Variants in DPP6 observed in about 807,000 individuals in gnomAD.
DPP6 encodes dipeptidyl peptidase like 6.
In DPP6, 69 loss-of-function variants were observed where a neutral mutation model predicts 122.6. That is an observed-to-expected ratio of 0.56 (90% CI 0.46 to 0.69). DPP6 has a LOEUF of 0.69. Ranked by LOEUF, DPP6 falls within the 30% of genes least tolerant of loss-of-function variation. The probability of loss-of-function intolerance (pLI) is 0.00; values close to 1 mark genes in which losing one functional copy is unlikely to be tolerated. For synonymous variants in DPP6, 418 were observed against 433.1 expected, an observed-to-expected ratio of 0.97 and a Z score of 0.43; for missense variants, 928 against 1,116.9, an observed-to-expected ratio of 0.83 and a Z score of 2.41.
chr7:153,863,179 C>T, the DPP6 span, among the ~76,000 whole-genome samples: 1 of 152,136 alleles, frequency 6.6e-6, no homozygotes, highest in Admixed American at 6.5e-5. Context: ...TTGATTTCAT[C>T]AAAGCATAGC....
rs552072596 is a variant in DPP6 at position 154,708,483 on chromosome 7, AT to A, written c.763-19278del. On this transcript the variant is annotated intron_variant, in intron 7 of 25. Coordinates refer to ENST00000377770, the MANE Select transcript of DPP6 (RefSeq NM_130797.4). ...CATTGTAATAAGATTTCTTTTTGTT[AT>A]TTTTTAGCAATTTGTACAGTTCTTT... 2.9e-4 allele frequency among the ~76,000 whole-genome samples: 44 copies of A among 152,196 alleles called. 3 individuals are homozygous for A. In the South Asian group the frequency reaches 7.5e-3, roughly 26 times the overall value.
chr7:154,463,703 G>A (rs913017588), intron 2 of DPP6, among the ~76,000 whole-genome samples: 2 of 152,004 alleles, frequency 1.3e-5, no homozygotes, highest in African/African-American at 2.4e-5. Flanking sequence ...TGCCAGATTG[G>A]GTTTTTCCAT....
At chr7:153,887,063 C>A (rs1350748930), upstream of DPP6, 1 of 152,468 alleles carries the variant, frequency 6.6e-6, no homozygotes, top group East Asian at 1.9e-4. Flanking sequence ...GCTCGCTTAA[C>A]CTTGATGCAG....
chr7:153,810,951 T>G, the DPP6 span, among the ~76,000 whole-genome samples: 1 of 152,170 alleles, frequency 6.6e-6, no homozygotes, highest in Non-Finnish European at 1.5e-5. Flanking sequence ...TATTAGTGCA[T>G]AGTTTAAACA....
chr7:154,117,028 T>G (rs1807039267), intron 1 of DPP6, among the ~76,000 whole-genome samples: 1 of 151,912 alleles, frequency 6.6e-6, no homozygotes, highest in Non-Finnish European at 1.5e-5. Context: ...GGGAACAGGT[T>G]GAAACCCCTG....
At chr7:154,121,624 G>A (rs544508103) in intron 1 of DPP6, among the ~76,000 whole-genome samples, 1 of 152,248 alleles carries the variant, frequency 6.6e-6, no homozygotes, top group South Asian at 2.1e-4. Context: ...ATTCTGTTGT[G>A]ATCAGAAAAA....
intron 1 of DPP6, among the ~76,000 whole-genome samples, chr7:154,201,167 C>T (rs945015644): frequency 6.6e-6 from 1 of 151,942 alleles, no homozygotes; most frequent in East Asian, 1.9e-4. Context: ...CCCTCCTGTC[C>T]CCCAGGCTGG....
At chr7:154,375,688 G>C (rs534327325) in intron 1 of DPP6, among the ~76,000 whole-genome samples, 1 of 152,100 alleles carries the variant, frequency 6.6e-6, no homozygotes, top group African/African-American at 2.4e-5. Flanking sequence ...AGAAGCTGCC[G>C]GCACCCTGAC....
chr7:154,068,610 G>A (rs992428471), intron 1 of DPP6, among the ~76,000 whole-genome samples: 1 of 88,502 alleles, frequency 1.1e-5, no homozygotes, highest in African/African-American at 4.0e-5. Context: ...GGATTAACAC[G>A]AACCCGAGGC....
At chr7:154,815,483 A>AT (rs895456159) in intron 16 of DPP6, among the ~76,000 whole-genome samples, 3 of 152,168 alleles carry the variant, frequency 2.0e-5, no homozygotes, top group African/African-American at 7.2e-5. Context: ...AGAGAACTGG[A>AT]TTTTTCTCTT....
intron 3 of DPP6, among the ~76,000 whole-genome samples, chr7:154,509,493 T>G (rs1120724): frequency 0.93 from 141,193 of 152,262 alleles, 65,584 homozygotes; most frequent in East Asian, 1. Context: ...TGGTGAGAAT[T>G]TGGAAAAAAC....
chr7:154,105,985 C>T (rs1476265107), intron 1 of DPP6, among the ~76,000 whole-genome samples: 3 of 151,084 alleles, frequency 2.0e-5, no homozygotes, highest in Non-Finnish European at 4.4e-5. Context: ...TCATGTGTAC[C>T]CTGGGCCCAG....
At chr7:154,589,643 A>T (rs1278929987) in intron 5 of DPP6, among the ~76,000 whole-genome samples, 1 of 152,242 alleles carries the variant, frequency 6.6e-6, no homozygotes, top group Non-Finnish European at 1.5e-5. Flanking sequence ...AGTTTTCTTT[A>T]ATTGTAATCA....
intron 8 of DPP6, among the ~76,000 whole-genome samples, chr7:154,740,863 A>C (rs1384046108): frequency 6.6e-6 from 1 of 152,036 alleles, no homozygotes; most frequent in African/African-American, 2.4e-5. Context: ...CCTTCTCCTT[A>C]TCCCCACGTG....
chr7:153,879,601 G>T, the DPP6 span, among the ~76,000 whole-genome samples: 1 of 152,054 alleles, frequency 6.6e-6, no homozygotes, highest in African/African-American at 2.4e-5. Context: ...CATTGGTCAG[G>T]CTGGTCTTGA....
the DPP6 span, among the ~76,000 whole-genome samples, chr7:153,814,614 C>A: frequency 6.6e-6 from 1 of 152,070 alleles, no homozygotes; most frequent in African/African-American, 2.4e-5. Flanking sequence ...TTTATGAGGC[C>A]AGCATCATCC....
intron 10 of DPP6, among the ~76,000 whole-genome samples, chr7:154,788,313 G>A (rs141563025): frequency 0.011 from 1,664 of 151,912 alleles, 28 homozygotes; most frequent in African/African-American, 0.035. Context: ...GCGTGGTGGC[G>A]CACACCTGTA....
At chr7:154,804,620 C>T (rs186303150) in intron 14 of DPP6, among the ~76,000 whole-genome samples, 7 of 152,294 alleles carry the variant, frequency 4.6e-5, no homozygotes, top group Admixed American at 4.6e-4. Flanking sequence ...AAAAGATTTC[C>T]ACATCCACAT....
At chr7:154,866,312 G>C (rs772565298) in intron 17 of DPP6, among the ~76,000 whole-genome samples, 3 of 152,210 alleles carry the variant, frequency 2.0e-5, no homozygotes, top group Admixed American at 6.5e-5. Flanking sequence ...TGTGTGCCTG[G>C]AGCATTGCAT....
Sources: gnomAD v4.1 joint callset for allele counts (sites outside exome capture counted in the v4.1 genomes callset) on GRCh38, gnomAD v4.1.1 for gene constraint, MANE v1.5 for transcripts, NCBI Gene and HGNC (gene_info 2026-07-23, HGNC 2026-07-21) for gene names.